The following IRAK2 variants were observed in gnomAD, a reference collection of about 807,000 sequenced individuals.
IRAK2 encodes interleukin-1 receptor-associated kinase-like 2.
A neutral mutation model predicts 72.0 loss-of-function variants in IRAK2; 57 were observed. The ratio of observed to expected loss-of-function variants is 0.79; its 90% CI spans 0.64 to 0.99. The LOEUF (loss-of-function observed/expected upper bound fraction) is 0.99, where lower values mean the gene tolerates loss of function less well. IRAK2 is among the 50% of genes least tolerant of loss of function. The pLI is 0.00. For synonymous variants in IRAK2, 293 were observed against 312.7 expected (o/e 0.94, Z 0.67); for missense variants, 790 against 794.4 (o/e 0.99, Z 0.07).
At chr3:10,198,174 G>A (rs1697301639) in intron 2 of IRAK2, among the ~76,000 whole-genome samples, 1 of 152,186 alleles carries the variant, frequency 6.6e-6, no homozygotes, top group Non-Finnish European at 1.5e-5. Flanking sequence ...ACTCCAGCCT[G>A]GGCGACAGAG....
Position 10,243,653 on chromosome 3 carries a change from G to C in IRAK2, c.*1425G>C, listed in dbSNP as rs1418789530. 1 of 152,634 alleles carries C rather than the reference G, an allele frequency of 6.6e-6. No individual in the cohort carries two copies. Among genetic ancestry groups the C allele is most frequent in the Non-Finnish European group, 1.5e-5 (1 of 68,038 alleles). 9.5% of individuals were successfully genotyped at this position (152,634 alleles called of 1,614,324 possible). ...ATGTTGCAAATCTTTCTGTGAAACA[G>C]ATGCTATTTTAAATTCACTGGGAGA... On this transcript the variant is annotated 3_prime_UTR_variant, in exon 13 of 13. Transcript: ENST00000256458.
At chr3:10,170,795 A>G (rs2125139287) in intron 1 of IRAK2, among the ~76,000 whole-genome samples, 1 of 152,336 alleles carries the variant, frequency 6.6e-6, no homozygotes, top group Non-Finnish European at 1.5e-5. Flanking sequence ...GCCTTTGGTC[A>G]GCCCACTTCC....
At chr3:10,183,061 C>T (rs76525672) in intron 2 of IRAK2, among the ~76,000 whole-genome samples, 1,954 of 152,222 alleles carry the variant, frequency 0.013, 35 homozygotes, top group African/African-American at 0.045. Flanking sequence ...CGTGAGCCAC[C>T]GCGCCTGGCT....
chr3:10,182,088 C>T (rs1250619293), intron 2 of IRAK2, among the ~76,000 whole-genome samples: 1 of 151,536 alleles, frequency 6.6e-6, no homozygotes, highest in Non-Finnish European at 1.5e-5. Context: ...TTCCCTCAGC[C>T]TCCCAAGTAG....
chr3:10,201,142 T>G (rs982176780), intron 3 of IRAK2, among the ~76,000 whole-genome samples: 3 of 152,376 alleles, frequency 2.0e-5, no homozygotes, highest in African/African-American at 7.2e-5. Context: ...CAGACACTAT[T>G]CCAAGTACTG....
chr3:10,228,460 C>T (rs971854893), intron 10 of IRAK2, among the ~76,000 whole-genome samples: 1 of 152,088 alleles, frequency 6.6e-6, no homozygotes, highest in Non-Finnish European at 1.5e-5. Context: ...TTTCTCATCT[C>T]CTGACTATTT....
chr3:10,167,095 T>TA (rs34759742), intron 1 of IRAK2, among the ~76,000 whole-genome samples: 24,632 of 150,410 alleles, frequency 0.16, 2,385 homozygotes, highest in African/African-American at 0.26. Flanking sequence ...ACCTATGACT[T>TA]AAAAAAAAAA....
intron 6 of IRAK2, 116 bp from the exon 7 acceptor site, chr3:10,216,818 C>T (rs1040879104): frequency 8.1e-6 from 6 of 736,430 alleles, no homozygotes; most frequent in African/African-American, 1.7e-5. Flanking sequence ...GTATGTGGTA[C>T]CTGGGAGGTT....
At chr3:10,175,551 C>T (rs563656810) in intron 1 of IRAK2, among the ~76,000 whole-genome samples, 7 of 152,128 alleles carry the variant, frequency 4.6e-5, no homozygotes, top group East Asian at 3.9e-4. Context: ...GCGAGGAGTG[C>T]GAGAGCAGCC....
chr3:10,194,562 T>C (rs776546452), intron 2 of IRAK2, among the ~76,000 whole-genome samples: 2 of 152,208 alleles, frequency 1.3e-5, no homozygotes, highest in African/African-American at 2.4e-5. Context: ...TTTGGTGTTC[T>C]ATTTTTATTT....
At chr3:10,215,330 G>C (rs1289976189) in intron 6 of IRAK2, among the ~76,000 whole-genome samples, 1 of 147,792 alleles carries the variant, frequency 6.8e-6, no homozygotes, top group African/African-American at 2.5e-5. Context: ...GAAAGTGGAG[G>C]TTGCAGTGAG....
chr3:10,176,027 G>A (rs1696868956), intron 1 of IRAK2, among the ~76,000 whole-genome samples: 1 of 151,014 alleles, frequency 6.6e-6, no homozygotes, highest in Admixed American at 6.6e-5. Flanking sequence ...TAGGAGGGTG[G>A]TGAGATGCTG....
intron 4 of IRAK2, among the ~76,000 whole-genome samples, chr3:10,211,406 A>G (rs1309775952): frequency 7.6e-3 from 6 of 794 alleles, no homozygotes; most frequent in African/African-American, 0.014. Flanking sequence ...CCTCCCACAT[A>G]TGGTGAGATT....
chr3:10,231,404 G>A (rs903982813), intron 10 of IRAK2, among the ~76,000 whole-genome samples: 1 of 152,042 alleles, frequency 6.6e-6, no homozygotes, highest in Non-Finnish European at 1.5e-5. Flanking sequence ...CAATTCTCCT[G>A]CCTCAGCTTC....
intron 3 of IRAK2, among the ~76,000 whole-genome samples, chr3:10,207,188 G>A (rs1327989231): frequency 6.6e-6 from 1 of 151,996 alleles, no homozygotes; most frequent in Non-Finnish European, 1.5e-5. Flanking sequence ...CTTAACCTCA[G>A]GTGATCCACC....
chr3:10,185,201 G>A (rs1041717304), intron 2 of IRAK2, among the ~76,000 whole-genome samples: 2 of 151,516 alleles, frequency 1.3e-5, no homozygotes, highest in Non-Finnish European at 2.9e-5. Flanking sequence ...GGAAACTCTA[G>A]TGGTGAGGCC....
At chr3:10,179,017 C>T (rs1696920479) in intron 2 of IRAK2, among the ~76,000 whole-genome samples, 1 of 152,174 alleles carries the variant, frequency 6.6e-6, no homozygotes, top group Non-Finnish European at 1.5e-5. Context: ...CTCCTGGTCT[C>T]AAGTGATCCT....
intron 2 of IRAK2, among the ~76,000 whole-genome samples, chr3:10,184,146 C>T (rs1399135016): frequency 6.6e-6 from 1 of 152,206 alleles, no homozygotes. Flanking sequence ...CACTCCACTT[C>T]TTTTAAGGAC....
At chr3:10,180,498 T>C (rs1207358613) in intron 2 of IRAK2, among the ~76,000 whole-genome samples, 2 of 152,222 alleles carry the variant, frequency 1.3e-5, no homozygotes, top group African/African-American at 2.4e-5. Context: ...GACAGCCACA[T>C]GACGCATTGG....
Sources: allele counts gnomAD v4.1 joint callset (sites outside exome capture counted in the v4.1 genomes callset), GRCh38; gene constraint gnomAD v4.1.1; transcripts MANE v1.5; gene names NCBI Gene and HGNC (gene_info 2026-07-23, HGNC 2026-07-21).